Variants in PPIL3 observed in about 807,000 individuals in gnomAD.
PPIL3 encodes peptidylprolyl isomerase like 3, also known as peptidyl-prolyl cis-trans isomerase-like 3.
A neutral mutation model predicts 20.9 loss-of-function variants in PPIL3; 13 were observed. The observed-to-expected ratio is 0.62, with a 90% confidence interval of 0.40 to 0.99. PPIL3 has a LOEUF of 0.99. PPIL3 is among the 50% of genes least tolerant of loss of function. The pLI, the probability that PPIL3 is intolerant of heterozygous loss-of-function variation, is 0.00. For missense variants in PPIL3, 170 were observed against 195.2 expected (o/e 0.87, Z 0.77); for synonymous variants, 71 against 64.4 (o/e 1.10, Z -0.49).
In PPIL3 at chr2:200,876,502, CTTTCT is replaced by C. The variant is rs1158349444; in HGVS notation, c.359+412_359+416del. ...TTAGCTCTCACACCACTCTTCTTTTCTTTCTTTTCTTTTCATTTTTTTTTTTTTTT... is the reference window on the plus strand; with the variant it reads ...TTAGCTCTCACACCACTCTTCTTTTCTTTCTTTTCATTTTTTTTTTTTTTT... On this transcript the variant is annotated intron_variant, in intron 6 of 6. Transcript: ENST00000392283. Among the ~76,000 whole-genome samples the C allele has an allele frequency of 8.5e-4, 128 of 150,304 alleles. 1 individual carries two copies. In the East Asian group the frequency reaches 8.8e-3, roughly 10 times the overall value.
intron 5 of PPIL3, among the ~76,000 whole-genome samples, chr2:200,878,429 A>G (rs1005290099): frequency 4.3e-5 from 6 of 140,826 alleles, no homozygotes; most frequent in African/African-American, 1.6e-4. Flanking sequence ...TCACTCTGTC[A>G]CCCAGGTTAG....
intron 1 of PPIL3, among the ~76,000 whole-genome samples, chr2:200,888,731 G>A (rs1171796311): frequency 6.6e-6 from 1 of 151,956 alleles, no homozygotes; most frequent in Non-Finnish European, 1.5e-5. Flanking sequence ...TCGCCGTGTT[G>A]GCCAGGCTGG....
At chr2:200,873,928 T>TG (rs2039407908) in intron 6 of PPIL3, among the ~76,000 whole-genome samples, 1 of 151,080 alleles carries the variant, frequency 6.6e-6, no homozygotes, top group Admixed American at 6.6e-5. Context: ...TTTGTAGGCC[T>TG]GGCGCAGTGG....
chr2:200,882,080 G>T (rs991685697), intron 4 of PPIL3, among the ~76,000 whole-genome samples: 1 of 152,182 alleles, frequency 6.6e-6, no homozygotes, highest in Non-Finnish European at 1.5e-5. Flanking sequence ...TTGTGGGTGG[G>T]GGCAAGGGGA....
At chr2:200,884,691 G>C (rs2039863618) in intron 3 of PPIL3, among the ~76,000 whole-genome samples, 1 of 151,662 alleles carries the variant, frequency 6.6e-6, no homozygotes, top group Non-Finnish European at 1.5e-5. Flanking sequence ...AATGAGCCGT[G>C]ATTGCACCAC....
intron 1 of PPIL3, chr2:200,888,472 C>CT (rs367647348): frequency 4.4e-4 from 67 of 151,450 alleles, no homozygotes; most frequent in South Asian, 1.8e-3. Flanking sequence ...ATACTATGAA[C>CT]TTTTTTTTTT....
intron 4 of PPIL3, chr2:200,881,703 G>A: frequency 2.0e-6 from 1 of 500,534 alleles, no homozygotes; most frequent in Non-Finnish European, 3.5e-6. Context: ...TATAAATATT[G>A]TTCATATATA....
At chr2:200,888,119 G>A (rs1157492375) in intron 1 of PPIL3, among the ~76,000 whole-genome samples, 1 of 149,560 alleles carries the variant, frequency 6.7e-6, no homozygotes, top group Non-Finnish European at 1.5e-5. Context: ...GGCTATAGAA[G>A]ATATCCTACC....
In PPIL3 at chr2:200,888,054, C is replaced by CAAAAAA. The variant is rs59288201; in HGVS notation, c.-70-375_-70-370dup. 7.2e-4 allele frequency among the ~76,000 whole-genome samples: 74 copies of CAAAAAA among 103,072 alleles called. 3 individuals are homozygous for CAAAAAA. Among genetic ancestry groups the CAAAAAA allele is most frequent in the East Asian group, 1.7e-3 (5 of 2,914 alleles). The allele number at this position is 103,072 out of a possible 152,430, so 67.6% of individuals were successfully genotyped here. On this transcript the variant is annotated intron_variant, in intron 1 of 6. Transcript: ENST00000392283. ...CCTGGGTGACAGCGCGAGACTCCGTCAAAAAAAAAAAAAAAAAAAATCCTC... is the reference window on the plus strand; with the variant it reads ...CCTGGGTGACAGCGCGAGACTCCGTCAAAAAAAAAAAAAAAAAAAAAAAAAATCCTC...
rs759515643 is a variant in PPIL3 at position 200,876,977 on chromosome 2, A to G, written c.301T>C (p.Phe101Leu). The G allele has an allele frequency of 6.2e-7, 1 of 1,613,992 alleles. No individual in the cohort carries two copies. The highest frequency in any genetic ancestry group is 1.1e-5 in the South Asian group (1 of 91,074). ...NNGPNTNGSQ[F>L]FITYGKQPHL... ...GGCTGTTTGCCATAGGTGATGAAGAACTGAGATCCATTGGTGTTCGGGCCA... is the reference window on the plus strand; with the variant it reads ...GGCTGTTTGCCATAGGTGATGAAGAGCTGAGATCCATTGGTGTTCGGGCCA... Residue 101 changes from phenylalanine to leucine, a missense_variant, in exon 6 of 7, where the codon TTC becomes CTC. Physicochemically the swap from Phe to Leu is conservative, Grantham distance 22. Coordinates refer to ENST00000392283, the MANE Select transcript of PPIL3 (RefSeq NM_130906.3).
At chr2:200,876,554 G>A (rs2039524134) in intron 6 of PPIL3, among the ~76,000 whole-genome samples, 1 of 135,040 alleles carries the variant, frequency 7.4e-6, no homozygotes, top group Non-Finnish European at 1.5e-5. Context: ...GTCTCACTCT[G>A]TCGCCCAGGC....
intron 6 of PPIL3, 144 bp from the exon 7 acceptor site, chr2:200,871,665 A>G: frequency 1.4e-6 from 1 of 702,012 alleles, no homozygotes; most frequent in Non-Finnish European, 2.3e-6. Flanking sequence ...CAAAATGTTG[A>G]TTTTCCATCA....
intron 3 of PPIL3, among the ~76,000 whole-genome samples, chr2:200,883,594 T>A (rs1284455889): frequency 2.0e-5 from 3 of 148,974 alleles, no homozygotes; most frequent in African/African-American, 4.9e-5. Flanking sequence ...TCTCTATCTT[T>A]AAAAAAAAAA....
At chr2:200,876,216 GAGA>G (rs1168720731) in intron 6 of PPIL3, among the ~76,000 whole-genome samples, 1 of 151,052 alleles carries the variant, frequency 6.6e-6, no homozygotes, top group Non-Finnish European at 1.5e-5. Context: ...AGGCTGAGGT[GAGA>G]AGATCACTTG....
chr2:200,884,830 G>A (rs2124828913), intron 3 of PPIL3: 1 of 152,312 alleles, frequency 6.6e-6, no homozygotes, highest in East Asian at 1.9e-4. Flanking sequence ...TTGGGAGGCT[G>A]AGGCAGGCGG....
upstream of PPIL3, chr2:200,889,210 T>C: frequency 2.7e-6 from 1 of 370,606 alleles, no homozygotes; most frequent in Non-Finnish European, 5.4e-6. Context: ...CTACTAATAA[T>C]TGCACTGGGA....
Position 200,871,355 on chromosome 2 carries a change from TC to T in PPIL3, c.*39del. The T allele has an allele frequency of 1.3e-6, 2 of 1,577,138 alleles. No individual in the cohort carries two copies. The highest frequency in any genetic ancestry group is 1.7e-6 in the Non-Finnish European group (2 of 1,156,870). On this transcript the variant is annotated 3_prime_UTR_variant, in exon 7 of 7. Transcript: ENST00000392283. ...ACCGGGTAAACCACAATAAGTGTGTTCCAGCAATTTGTCAAGTTATTTGTCC... is the reference window on the plus strand; with the variant it reads ...ACCGGGTAAACCACAATAAGTGTGTTCAGCAATTTGTCAAGTTATTTGTCC...
At chr2:200,885,552 T>C in intron 3 of PPIL3, 146 bp downstream of exon 3, 1 of 618,390 alleles carries the variant, frequency 1.6e-6, no homozygotes, top group East Asian at 2.9e-5. Flanking sequence ...TAAGTGGAAA[T>C]CAGGCCAGAA....
chr2:200,876,146 T>G (rs573056905), intron 6 of PPIL3, among the ~76,000 whole-genome samples: 31 of 151,022 alleles, frequency 2.1e-4, no homozygotes, highest in African/African-American at 6.3e-4. Flanking sequence ...TTTTTTTGTT[T>G]TTTTTTTTTT....
Sources: allele counts gnomAD v4.1 joint callset (sites outside exome capture counted in the v4.1 genomes callset), GRCh38; gene constraint gnomAD v4.1.1; transcripts MANE v1.5; gene names NCBI Gene and HGNC (gene_info 2026-07-23, HGNC 2026-07-21).